ZMYND11: variants seen among roughly 807,000 people sequenced by gnomAD.
ZMYND11 encodes the protein zinc finger MYND domain-containing protein 11.
Under a neutral mutation model 84.9 loss-of-function variants are expected in ZMYND11, and 9 were observed. The observed-to-expected ratio is 0.11, with a 90% CI of 0.06 to 0.18. The LOEUF (loss-of-function observed/expected upper bound fraction) is 0.18, where lower values mean the gene tolerates loss of function less well. ZMYND11 is among the 10% of genes least tolerant of loss of function. The pLI is 1.00. For missense variants in ZMYND11, 409 were observed against 761.0 expected, an observed-to-expected ratio of 0.54 and a Z score of 5.44; for synonymous variants, 250 against 244.1, an observed-to-expected ratio of 1.02 and a Z score of -0.23.
chr10:225,757 T>A (rs1179585427), intron 4 of ZMYND11, among the ~76,000 whole-genome samples: 1 of 152,244 alleles, frequency 6.6e-6, no homozygotes, highest in African/African-American at 2.4e-5. Context: ...CCTGCGTATG[T>A]GTGCATGTGC....
chr10:243,675 A>T (rs760622195), intron 10 of ZMYND11, among the ~76,000 whole-genome samples: 4 of 152,116 alleles, frequency 2.6e-5, no homozygotes, highest in Non-Finnish European at 4.4e-5. Flanking sequence ...ACCATCCTGG[A>T]TAACACAGTG....
intron 1 of ZMYND11, among the ~76,000 whole-genome samples, chr10:149,357 C>A (rs1839759744): frequency 6.6e-6 from 1 of 151,048 alleles, no homozygotes; most frequent in Non-Finnish European, 1.5e-5. Context: ...GTCGCCCAGG[C>A]TGGAGTGCAG....
At chr10:249,509 C>CATT (rs1459138635) in intron 14 of ZMYND11, 2 of 984,466 alleles carry the variant, frequency 2.0e-6, no homozygotes, top group East Asian at 2.3e-4. Context: ...AACATTTATA[C>CATT]ATTAGATTTT....
chr10:230,490 A>C lies in ZMYND11; in HGVS notation c.439-6348A>C, dbSNP rs1485004825. ...TCAGTCTCAAAAAAAAAAAAAAAAAAAAAAAAAAAAACTACAGCCTCCAGG... is the reference window on the plus strand; with the variant it reads ...TCAGTCTCAAAAAAAAAAAAAAAAACAAAAAAAAAAACTACAGCCTCCAGG... On this transcript the variant is annotated intron_variant, in intron 4 of 14. Transcript: ENST00000381604. 4.7e-5 allele frequency among the ~76,000 whole-genome samples: 7 copies of C among 150,236 alleles called. No homozygotes were observed. The East Asian group carries it at 9.7e-4, about 21-fold the overall frequency.
intron 1 of ZMYND11, among the ~76,000 whole-genome samples, chr10:174,111 T>C (rs1846006794): frequency 6.6e-6 from 1 of 152,210 alleles, no homozygotes; most frequent in Admixed American, 6.5e-5. Context: ...ACATGGATGT[T>C]TATAGCAGCT....
At chr10:238,342 A>G (rs1564440211) in intron 6 of ZMYND11, among the ~76,000 whole-genome samples, 1 of 151,752 alleles carries the variant, frequency 6.6e-6, no homozygotes, top group Non-Finnish European at 1.5e-5. Context: ...ATAATTTTAA[A>G]TCATCTTACA....
chr10:238,510 C>G (rs1310780720), intron 6 of ZMYND11, among the ~76,000 whole-genome samples: 1 of 152,112 alleles, frequency 6.6e-6, no homozygotes, highest in Admixed American at 6.5e-5. Context: ...GCGCCCGACA[C>G]CACGCCCACC....
chr10:155,798 C>A (rs1841562321), intron 1 of ZMYND11, among the ~76,000 whole-genome samples: 1 of 152,106 alleles, frequency 6.6e-6, no homozygotes, highest in South Asian at 2.1e-4. Context: ...GAACTTCCAC[C>A]CTCTTTTACC....
At chr10:147,633 G>A (rs1429750983) in intron 1 of ZMYND11, among the ~76,000 whole-genome samples, 1 of 149,852 alleles carries the variant, frequency 6.7e-6, no homozygotes, top group Non-Finnish European at 1.5e-5. Context: ...CTTAAAAAGA[G>A]GATAATTAAA....
intron 7 of ZMYND11, 89 bp downstream of exon 7, chr10:239,614 C>T (rs1416871677): frequency 1.1e-6 from 1 of 923,198 alleles, no homozygotes; most frequent in South Asian, 1.6e-5. Flanking sequence ...ACATTACTTT[C>T]AAAGAATTAA....
chr10:246,719 C>T, intron 10 of ZMYND11, 47 bp from the exon 11 acceptor site: 2 of 1,585,738 alleles, frequency 1.3e-6, no homozygotes, highest in Non-Finnish European at 1.7e-6. Flanking sequence ...ACCACCCTTC[C>T]TGCCATTTGG....
intron 1 of ZMYND11, chr10:148,641 T>C (rs1839498615): frequency 6.6e-6 from 1 of 152,238 alleles, no homozygotes; most frequent in African/African-American, 2.4e-5. Flanking sequence ...TGTTCATAAT[T>C]CTTCACTGAT....
intron 1 of ZMYND11, among the ~76,000 whole-genome samples, chr10:149,192 C>T (rs1431190668): frequency 6.6e-6 from 1 of 151,920 alleles, no homozygotes; most frequent in Non-Finnish European, 1.5e-5. Flanking sequence ...TGATCTCATT[C>T]TCCTCAGCTC....
At chr10:246,196 G>C (rs1374719644) in intron 10 of ZMYND11, among the ~76,000 whole-genome samples, 1 of 152,216 alleles carries the variant, frequency 6.6e-6, no homozygotes, top group Non-Finnish European at 1.5e-5. Flanking sequence ...CAGTGGCTCT[G>C]TGTGTTCATC....
At chr10:155,645 AT>A (rs1841520791) in intron 1 of ZMYND11, among the ~76,000 whole-genome samples, 1 of 152,246 alleles carries the variant, frequency 6.6e-6, no homozygotes, top group South Asian at 2.1e-4. Flanking sequence ...TTCGCTAGTA[AT>A]TTTTTAAAAA....
At chr10:156,804 T>C (rs1016975148) in intron 1 of ZMYND11, among the ~76,000 whole-genome samples, 1 of 152,190 alleles carries the variant, frequency 6.6e-6, no homozygotes, top group East Asian at 1.9e-4. Flanking sequence ...TTCTGAATAC[T>C]TATTTAATAA....
intron 10 of ZMYND11, 114 bp from the exon 11 acceptor site, chr10:246,652 C>T (rs1030772241): frequency 8.5e-5 from 82 of 969,888 alleles, no homozygotes; most frequent in Non-Finnish European, 1.1e-4. Flanking sequence ...AGCTAACAGA[C>T]GAGAACTGCC....
At chr10:187,502 C>T (rs1033151540) in intron 2 of ZMYND11, among the ~76,000 whole-genome samples, 12 of 151,804 alleles carry the variant, frequency 7.9e-5, no homozygotes, top group African/African-American at 9.7e-5. Flanking sequence ...GGCGCGGTGG[C>T]GGGCGCCTGT....
chr10:241,695 C>CTGG (rs1429479709), intron 9 of ZMYND11, among the ~76,000 whole-genome samples: 1 of 152,140 alleles, frequency 6.6e-6, no homozygotes. Context: ...CCTAAAATTT[C>CTGG]CCCATTTCTA....
Sources: gnomAD v4.1 joint callset for allele counts (sites outside exome capture counted in the v4.1 genomes callset) on GRCh38, gnomAD v4.1.1 for gene constraint, MANE v1.5 for transcripts, NCBI Gene and HGNC (gene_info 2026-07-23, HGNC 2026-07-21) for gene names.